ABCC4: variants seen among roughly 807,000 people sequenced by gnomAD.
ABCC4 encodes ATP binding cassette subfamily C member 4 (PEL blood group), also known as ATP-binding cassette sub-family C member 4.
ABCC4 carries 102 observed loss-of-function variants against 168.5 expected under a neutral mutation model. That is an observed-to-expected ratio of 0.61 (90% CI 0.52 to 0.71). The LOEUF is 0.71. ABCC4 is among the 30% of genes least tolerant of loss of function. The pLI is 0.00. For synonymous variants in ABCC4, 617 were observed against 590.7 expected (o/e 1.04, Z -0.65); for missense variants, 1,402 against 1,605.8 (o/e 0.87, Z 2.17).
chr13:95,140,847 C>A (rs1327183684), intron 19 of ABCC4, among the ~76,000 whole-genome samples: 2 of 152,198 alleles, frequency 1.3e-5, no homozygotes, highest in African/African-American at 4.8e-5. Flanking sequence ...GCTATTGTAA[C>A]CTACAGGAAC....
At chr13:95,154,121 A>G (rs985380918) in intron 19 of ABCC4, among the ~76,000 whole-genome samples, 3 of 152,232 alleles carry the variant, frequency 2.0e-5, no homozygotes, top group Non-Finnish European at 4.4e-5. Context: ...TGATTGATGC[A>G]ATCTTTTGTG....
intron 25 of ABCC4, among the ~76,000 whole-genome samples, chr13:95,063,622 G>A (rs575221214): frequency 3.3e-5 from 5 of 152,264 alleles, no homozygotes; most frequent in Admixed American, 2.6e-4. Flanking sequence ...AAGGCATGCT[G>A]CAAACTAATT....
In ABCC4 at chr13:95,186,782, A is replaced by G; in HGVS notation, c.1464T>C (p.Thr488=). 6.2e-7 allele frequency: 1 copy of G among 1,614,156 alleles called. No individual in the cohort carries two copies. Among genetic ancestry groups the G allele is most frequent in the Non-Finnish European group, 8.5e-7 (1 of 1,180,012 alleles). ...TCCCAAATAAAATATTACTCCTCAG[A>G]GTTCCCGAGAACACCCAGGGCTGCT... ...VSQQPWVFSG[T]LRSNILFGKK... is the part of the protein sequence containing the mutation. The change falls in exon 11 of 31, where the codon ACT becomes ACC. Residue 488 remains threonine, a synonymous_variant. Transcript: ENST00000645237.
chr13:95,292,174 A>G lies in ABCC4; in HGVS notation c.74+9067T>C, dbSNP rs534905450. Among the ~76,000 whole-genome samples the G allele has an allele frequency of 2.0e-5, 3 of 152,246 alleles. No homozygotes were observed. In the East Asian group the frequency reaches 5.8e-4, roughly 29 times the overall value. Reference sequence around the variant, plus strand: ...GGAGTTCAATACCAGCCAGGGCAACATGGCAAAACTTCATCTCTACAAAAA... The same window carrying G: ...GGAGTTCAATACCAGCCAGGGCAACGTGGCAAAACTTCATCTCTACAAAAA... On this transcript the variant is annotated intron_variant, in intron 1 of 30. Coordinates refer to ENST00000645237, the MANE Select transcript of ABCC4 (RefSeq NM_005845.5).
chr13:95,029,211 TATAGAG>T (rs2031730388), intron 30 of ABCC4, among the ~76,000 whole-genome samples: 2 of 43,596 alleles, frequency 4.6e-5, no homozygotes, highest in African/African-American at 1.8e-4. Flanking sequence ...TATATATATA[TATAGAG>T]AGAGAGAGAG....
At position 95,208,608 on chromosome 13, in the gene ABCC4, C is replaced by CTTTTTTTT. The variant is rs58749262; in HGVS notation, c.786-691_786-684dup. 4.2e-4 allele frequency among the ~76,000 whole-genome samples: 31 copies of CTTTTTTTT among 74,654 alleles called. 1 individual carries two copies. The highest frequency in any genetic ancestry group is 0.011 in the Middle Eastern group (1 of 94). The allele number at this position is 74,654 out of a possible 152,430, so 49.0% of individuals were successfully genotyped here. A position where few individuals can be genotyped will look rare whatever the true frequency, so the allele number is the denominator to read the frequency against. ...AATCTCTTGATCAAAAGCTGTATTT[C>CTTTTTTTT]TTTTTTTTTTTTTTTTTTTTTTTTT... On this transcript the variant is annotated intron_variant, in intron 6 of 30. Coordinates refer to ENST00000645237, the MANE Select transcript of ABCC4 (RefSeq NM_005845.5).
intron 7 of ABCC4, among the ~76,000 whole-genome samples, 156 bp downstream of exon 7, chr13:95,207,644 T>C (rs2139676753): frequency 6.6e-6 from 1 of 152,330 alleles, no homozygotes; most frequent in South Asian, 2.1e-4. Flanking sequence ...TAACGTTCTC[T>C]ACCATTCTAC....
intron 1 of ABCC4, among the ~76,000 whole-genome samples, chr13:95,254,146 C>T (rs1204643105): frequency 1.3e-5 from 2 of 152,330 alleles, no homozygotes; most frequent in East Asian, 1.9e-4. Context: ...AATCCCCCCA[C>T]CTTGGCCTCC....
In ABCC4 at chr13:95,177,713, A is replaced by C. The variant is rs769892356; in HGVS notation, c.1721T>G (p.Phe574Cys). ...AAGACACAAACACACTCACAGTTCGAACAAGTGTCTGCTAACTTCCGCATC... is the reference window on the plus strand; with the variant it reads ...AAGACACAAACACACTCACAGTTCGCACAAGTGTCTGCTAACTTCCGCATC... Reference protein sequence around the residue: ...AVDAEVSRHLFELCICQILHE... With the variant: ...AVDAEVSRHLCELCICQILHE... The change falls in exon 13 of 31, where the codon TTC becomes TGC. Residue 574 changes from phenylalanine (F) to cysteine (C), a missense_variant. Phe to Cys is a radical substitution (Grantham distance 205). This residue lies in a region of ABCC4 where 1,007 missense variants were observed against 1,127.3 expected (regional missense o/e 0.89). Coordinates refer to ENST00000645237, the MANE Select transcript of ABCC4 (RefSeq NM_005845.5). The C allele has an allele frequency of 6.2e-6, 10 of 1,609,446 alleles. No homozygotes were observed. The highest frequency in any genetic ancestry group is 7.6e-6 in the Non-Finnish European group (9 of 1,176,610).
rs532616359 is a variant in ABCC4, at chr13:95,207,623, C to T, written c.911+177G>A. Among the ~76,000 whole-genome samples the T allele has an allele frequency of 3.3e-5, 5 of 152,232 alleles. No individual in the cohort carries two copies. The South Asian group carries it at 1.0e-3, about 32-fold the overall frequency. On this transcript the variant is annotated intron_variant, in intron 7 of 30. Transcript: ENST00000645237. ...GTTTAAGAACATGGTAAATGGAAGA[C>T]CAAGTGAAAATAACGTTCTCTACCA... is the stretch of plus-strand genomic sequence containing the variant.
At chr13:95,102,127 A>G (rs989527259) in intron 20 of ABCC4, among the ~76,000 whole-genome samples, 3 of 151,940 alleles carry the variant, frequency 2.0e-5, no homozygotes, top group African/African-American at 7.3e-5. Flanking sequence ...CCTACACTAC[A>G]CTTGAAATTT....
At position 95,186,811 on chromosome 13, in the gene ABCC4, A is replaced by G; in HGVS notation, c.1435T>C (p.Ser479Pro). 4 of 1,614,178 alleles carry G rather than the reference A, an allele frequency of 2.5e-6. No homozygotes were observed. The highest frequency in any genetic ancestry group is 3.4e-6 in the Non-Finnish European group (4 of 1,180,028). Reference sequence around the variant, plus strand: ...CCCGAGAACACCCAGGGCTGCTGAGACACATAGGCAATTCTTCCATGCACG... The same window carrying G: ...CCCGAGAACACCCAGGGCTGCTGAGGCACATAGGCAATTCTTCCATGCACG... ...VSVHGRIAYVSQQPWVFSGTL... is the reference protein window; with the variant it reads ...VSVHGRIAYVPQQPWVFSGTL... The change falls in exon 11 of 31, where the codon TCT becomes CCT. Residue 479 changes from serine (S) to proline (P), a missense_variant. By Grantham distance (74) the Ser-to-Pro change is moderately conservative. Coordinates refer to ENST00000645237, the MANE Select transcript of ABCC4 (RefSeq NM_005845.5).
At chr13:95,126,978 G>C (rs1264569486) in intron 19 of ABCC4, among the ~76,000 whole-genome samples, 5 of 151,212 alleles carry the variant, frequency 3.3e-5, no homozygotes, top group African/African-American at 1.2e-4. Context: ...TTAAGAACTA[G>C]AAATATTACT....
At chr13:95,198,065 C>G (rs2038511213) in intron 8 of ABCC4, among the ~76,000 whole-genome samples, 1 of 152,090 alleles carries the variant, frequency 6.6e-6, no homozygotes, top group South Asian at 2.1e-4. Context: ...GACTTCACGA[C>G]TAAAACACCA....
intron 23 of ABCC4, among the ~76,000 whole-genome samples, chr13:95,073,942 A>G (rs1025263115): frequency 1.3e-5 from 2 of 152,190 alleles, no homozygotes; most frequent in East Asian, 1.9e-4. Context: ...TTTTCTCTTC[A>G]CAACTACCAG....
chr13:95,300,839 G>C (rs1479805795), intron 1 of ABCC4, among the ~76,000 whole-genome samples: 1 of 152,226 alleles, frequency 6.6e-6, no homozygotes, highest in Non-Finnish European at 1.5e-5. Context: ...CCCAGAGCAG[G>C]AGGCGGGAGC....
chr13:95,213,220 G>GTT (rs2039013133), intron 4 of ABCC4, among the ~76,000 whole-genome samples: 1 of 151,588 alleles, frequency 6.6e-6, no homozygotes. Context: ...CTGGAAAACT[G>GTT]TAACGTTGGG....
At position 95,151,551 on chromosome 13, in the gene ABCC4, G is replaced by GAGGAGGAGGAGGAGAAGGAGAAGA. The variant is rs1365123571; in HGVS notation, c.2455+9637_2455+9638insTCTTCTCCTTCTCCTCCTCCTCCT. Among the ~76,000 whole-genome samples, 1,349 of 147,596 alleles carry GAGGAGGAGGAGGAGAAGGAGAAGA rather than the reference G, an allele frequency of 9.1e-3. 29 individuals carry two copies. Among genetic ancestry groups the GAGGAGGAGGAGGAGAAGGAGAAGA allele is most frequent in the African/African-American group, 0.03 (1,170 of 38,706 alleles). On this transcript the variant is annotated intron_variant, in intron 19 of 30. Coordinates refer to ENST00000645237, the MANE Select transcript of ABCC4 (RefSeq NM_005845.5). Reference sequence around the variant, plus strand: ...GGAAGAAGAATGAAGAAGGAAGGAGGAGGAGGAGGAGAAGGAGAAGAAGGA... The same window carrying GAGGAGGAGGAGGAGAAGGAGAAGA: ...GGAAGAAGAATGAAGAAGGAAGGAGGAGGAGGAGGAGGAGAAGGAGAAGAAGGAGGAGGAGAAGGAGAAGAAGGA...
intron 1 of ABCC4, among the ~76,000 whole-genome samples, chr13:95,260,931 T>A (rs4148430): frequency 0.097 from 14,707 of 150,930 alleles, 1,583 homozygotes; most frequent in African/African-American, 0.26. Context: ...GTCTGCACAA[T>A]TCTCACCTCC....
Sources: allele counts gnomAD v4.1 joint callset (sites outside exome capture counted in the v4.1 genomes callset), GRCh38; gene constraint gnomAD v4.1.1; regional missense constraint gnomAD v4.1.1; transcripts MANE v1.5; gene names NCBI Gene and HGNC (gene_info 2026-07-23, HGNC 2026-07-21).